HMGN5: variants seen among roughly 807,000 people sequenced by gnomAD.
HMGN5 encodes the protein high mobility group nucleosome binding domain 5.
A neutral mutation model predicts 9.5 loss-of-function variants in HMGN5; 4 were observed. The ratio of observed to expected loss-of-function variants is 0.42; its 90% CI spans 0.21 to 0.96. The LOEUF is 0.96. Among genes scored for constraint, HMGN5 ranks in the 40% least tolerant of loss-of-function variants. The pLI is 0.30. For synonymous variants in HMGN5, 55 were observed against 57.1 expected (o/e 0.96, Z 0.16); for missense variants, 192 against 187.5 (o/e 1.02, Z -0.14).
Position 81,188,159 on chromosome X carries a change from C to A in HMGN5, c.-124+13578G>T, listed in dbSNP as rs191460496. On this transcript the variant is annotated intron_variant, in intron 1 of 6. Transcript: ENST00000358130. ...TGTCACCCAGGCTGGAGTGCAGTGG[C>A]AAAATCATGGCTCACTGCAATCTCT... Among the ~76,000 whole-genome samples, 115 of 109,048 alleles carry A rather than the reference C, an allele frequency of 1.1e-3. 1 individual carries two copies. The highest frequency in any genetic ancestry group is 3.6e-3 in the African/African-American group (107 of 30,049). 94.7% of individuals were successfully genotyped at this position (109,048 alleles called of 115,157 possible).
intron 1 of HMGN5, among the ~76,000 whole-genome samples, chrX:81,156,241 T>C (rs2075382559): frequency 8.9e-6 from 1 of 112,216 alleles, no homozygotes; most frequent in South Asian, 3.7e-4. Flanking sequence ...GCCTCCAAAG[T>C]AGTAATGGGA....
intron 4 of HMGN5, 27 bp from the exon 5 acceptor site, chrX:81,118,512 G>C: frequency 9.0e-7 from 1 of 1,114,621 alleles, no homozygotes; most frequent in Non-Finnish European, 1.2e-6. Context: ...GAAAAGAAAA[G>C]AAAAGGAAAA....
chrX:81,161,946 C>T lies in HMGN5; in HGVS notation c.-124+39791G>A, dbSNP rs187585706. Among the ~76,000 whole-genome samples, 363 of 111,667 alleles carry T rather than the reference C, an allele frequency of 3.3e-3. 3 individuals are homozygous for T. Among genetic ancestry groups the T allele is most frequent in the African/African-American group, 0.011 (347 of 30,741 alleles). ...TAAGTTTGAATACAATACTATTTCA[C>T]TTTCCCAGTCTCTCCATACAGAGAT... On this transcript the variant is annotated intron_variant, in intron 1 of 6. Coordinates refer to ENST00000358130, the MANE Select transcript of HMGN5 (RefSeq NM_030763.3).
chrX:81,164,933 G>GT (rs1274212227), intron 1 of HMGN5, among the ~76,000 whole-genome samples: 4 of 110,714 alleles, frequency 3.6e-5, no homozygotes, highest in East Asian at 2.8e-4. Context: ...ATTTTTGTCA[G>GT]TTTTTTTTAA....
At chrX:81,120,497 C>T (rs2075265701) in intron 2 of HMGN5, among the ~76,000 whole-genome samples, 1 of 111,163 alleles carries the variant, frequency 9.0e-6, no homozygotes. Context: ...TTTTCCATAT[C>T]TGAGCAGCCC....
At chrX:81,129,831 T>C (rs2075293866) in intron 1 of HMGN5, among the ~76,000 whole-genome samples, 1 of 110,684 alleles carries the variant, frequency 9.0e-6, no homozygotes, top group African/African-American at 3.3e-5. Context: ...ACCTAAAGTT[T>C]CTAAGTGAGT....
At chrX:81,142,142 T>A (rs1027959690) in intron 1 of HMGN5, among the ~76,000 whole-genome samples, 4 of 111,357 alleles carry the variant, frequency 3.6e-5, no homozygotes, top group Non-Finnish European at 5.7e-5. Flanking sequence ...GGACAGGGTA[T>A]TCAAAATTAT....
At chrX:81,162,698 G>C (rs1468963936) in intron 1 of HMGN5, among the ~76,000 whole-genome samples, 1 of 111,250 alleles carries the variant, frequency 9.0e-6, no homozygotes, top group African/African-American at 3.3e-5. Flanking sequence ...GTCAAGAGGT[G>C]CTTATGGAAC....
At chrX:81,120,065 G>A (rs753996428) in intron 2 of HMGN5, among the ~76,000 whole-genome samples, 3 of 111,966 alleles carry the variant, frequency 2.7e-5, no homozygotes, top group Non-Finnish European at 5.6e-5. Context: ...TCATCCTTTT[G>A]TGTAAATTGC....
At chrX:81,178,635 G>GCATGC in intron 1 of HMGN5, among the ~76,000 whole-genome samples, 1 of 111,813 alleles carries the variant, frequency 8.9e-6, no homozygotes, top group Non-Finnish European at 1.9e-5. Context: ...AAGAGGAGCT[G>GCATGC]GTACCATTCC....
At chrX:81,116,828 T>G (rs1199887350) in intron 5 of HMGN5, among the ~76,000 whole-genome samples, 1 of 112,051 alleles carries the variant, frequency 8.9e-6, no homozygotes, top group Non-Finnish European at 1.9e-5. Flanking sequence ...AAAGACCTTA[T>G]GGTGATGTAA....
intron 3 of HMGN5, 99 bp from the exon 4 acceptor site, chrX:81,118,858 A>G: frequency 5.7e-6 from 3 of 525,522 alleles, no homozygotes; most frequent in Non-Finnish European, 6.3e-6. Context: ...CAATACATAA[A>G]TATTGTCATT....
chrX:81,184,875 A>G (rs1235294031), intron 1 of HMGN5, among the ~76,000 whole-genome samples: 1 of 111,671 alleles, frequency 9.0e-6, no homozygotes, highest in Non-Finnish European at 1.9e-5. Context: ...CCATTTATTA[A>G]AGTGACTTTC....
chrX:81,174,467 A>AT (rs751256729), intron 1 of HMGN5, among the ~76,000 whole-genome samples: 272 of 111,581 alleles, frequency 2.4e-3, no homozygotes, highest in Non-Finnish European at 4.0e-3. Flanking sequence ...TTCAGTAAAT[A>AT]TTTTTTGAGC....
chrX:81,180,723 C>G (rs1333927494), intron 1 of HMGN5, among the ~76,000 whole-genome samples: 1 of 111,553 alleles, frequency 9.0e-6, no homozygotes, highest in Non-Finnish European at 1.9e-5. Flanking sequence ...GGATCACAAA[C>G]TATGCTACTA....
chrX:81,121,241 G>C (rs2075267372), intron 2 of HMGN5, among the ~76,000 whole-genome samples: 1 of 109,524 alleles, frequency 9.1e-6, no homozygotes, highest in South Asian at 4.1e-4. Flanking sequence ...GGGGGTTGGG[G>C]TAGGAAGCGA....
In HMGN5 at chrX:81,114,392, TACACA is replaced by T. The variant is rs1234061453; in HGVS notation, c.*252_*256del. The T allele has an allele frequency of 4.4e-6, 1 of 228,942 alleles. No homozygotes were observed. Among genetic ancestry groups the T allele is most frequent in the Non-Finnish European group, 7.7e-6 (1 of 129,085 alleles). The allele number at this position is 228,942 out of a possible 1,213,427, so 18.9% of individuals were successfully genotyped here. The stretch of plus-strand genomic sequence containing the variant: ...AAATTCAAAGATTTGACATATAACT[TACACA>T]ACACGAAATTCACTCACAAAGTTGA... On this transcript the variant is annotated 3_prime_UTR_variant, in exon 7 of 7. Coordinates refer to ENST00000358130, the MANE Select transcript of HMGN5 (RefSeq NM_030763.3).
intron 1 of HMGN5, among the ~76,000 whole-genome samples, chrX:81,188,075 A>G (rs932657019): frequency 2.8e-5 from 3 of 108,772 alleles, no homozygotes; most frequent in Middle Eastern, 4.4e-3. Context: ...TGTACTGTCT[A>G]TGTCTTGAAA....
chrX:81,149,675 A>C (rs1029318825), intron 1 of HMGN5, among the ~76,000 whole-genome samples: 2 of 112,003 alleles, frequency 1.8e-5, no homozygotes. Context: ...CAATTCACCT[A>C]TGAAGACACA....
Sources: gnomAD v4.1 joint callset for allele counts (sites outside exome capture counted in the v4.1 genomes callset) on GRCh38, gnomAD v4.1.1 for gene constraint, MANE v1.5 for transcripts, NCBI Gene and HGNC (gene_info 2026-07-23, HGNC 2026-07-21) for gene names.